Variants in XIRP2 observed in about 807,000 individuals in gnomAD.
XIRP2 encodes the protein xin actin-binding repeat-containing protein 2.
Under a neutral mutation model 277.0 loss-of-function variants are expected in XIRP2, and 236 were observed. The ratio of observed to expected loss-of-function variants is 0.85; its 90% confidence interval spans 0.77 to 0.95. The LOEUF (loss-of-function observed/expected upper bound fraction) is 0.95. Ranked by LOEUF, XIRP2 falls within the 40% of genes least tolerant of loss-of-function variation. The pLI is 0.00. For synonymous variants in XIRP2, 1,490 were observed against 1,416.5 expected, an observed-to-expected ratio of 1.05 and a Z score of -1.17; for missense variants, 4,640 against 4,157.5, an observed-to-expected ratio of 1.12 and a Z score of -3.19.
intron 2 of XIRP2, among the ~76,000 whole-genome samples, chr2:166,935,765 G>T (rs893619147): frequency 3.3e-5 from 5 of 152,186 alleles, no homozygotes; most frequent in Non-Finnish European, 5.9e-5. Flanking sequence ...TGGCTGCATA[G>T]TATTCCATGG....
chr2:167,040,550 G>A (rs1449145804), intron 2 of XIRP2, among the ~76,000 whole-genome samples: 4 of 152,260 alleles, frequency 2.6e-5, no homozygotes, highest in South Asian at 4.1e-4. Context: ...CAGAAATCCA[G>A]CCTGCAAAGA....
chr2:167,096,885 T>C (rs1690333492), intron 2 of XIRP2, among the ~76,000 whole-genome samples: 1 of 152,194 alleles, frequency 6.6e-6, no homozygotes, highest in Admixed American at 6.5e-5. Flanking sequence ...TGAGTTCTCA[T>C]TTGATTGCAC....
At chr2:167,020,392 T>G (rs890202125) in intron 2 of XIRP2, among the ~76,000 whole-genome samples, 6 of 152,000 alleles carry the variant, frequency 3.9e-5, no homozygotes, top group Non-Finnish European at 7.4e-5. Flanking sequence ...AAGTCCATAT[T>G]CTTCCACCAT....
Position 166,996,003 on chromosome 2 carries a change from C to T in XIRP2, c.408+92113C>T, listed in dbSNP as rs149112126. Among the ~76,000 whole-genome samples, 21 of 152,166 alleles carry T rather than the reference C, an allele frequency of 1.4e-4. No individual in the cohort carries two copies. In the East Asian group the frequency reaches 3.3e-3, roughly 24 times the overall value. Reference sequence around the variant, plus strand: ...GCTCCTCTCCTCTTTTTCTTCTGCCCCTCCATTTATATGAGTCTTGAATAG... The same window carrying T: ...GCTCCTCTCCTCTTTTTCTTCTGCCTCTCCATTTATATGAGTCTTGAATAG... On this transcript the variant is annotated intron_variant, in intron 2 of 10. Coordinates refer to ENST00000409195, the MANE Select transcript of XIRP2 (RefSeq NM_152381.6).
intron 3 of XIRP2, among the ~76,000 whole-genome samples, chr2:167,156,847 G>A (rs2105336781): frequency 6.6e-6 from 1 of 152,188 alleles, no homozygotes; most frequent in South Asian, 2.1e-4. Context: ...AATATGAATG[G>A]CTTTTTAGTC....
At chr2:166,907,857 A>G (rs948260698) in intron 2 of XIRP2, among the ~76,000 whole-genome samples, 1 of 146,516 alleles carries the variant, frequency 6.8e-6, no homozygotes, top group Non-Finnish European at 1.5e-5. Flanking sequence ...GAGTGAGAAC[A>G]TGCAGTGTTT....
chr2:166,953,493 A>G (rs1047492871), intron 2 of XIRP2, among the ~76,000 whole-genome samples: 2 of 151,992 alleles, frequency 1.3e-5, no homozygotes, highest in Non-Finnish European at 2.9e-5. Context: ...CATAAGCAGC[A>G]TGAGAACAGA....
chr2:167,251,543 C>G lies in XIRP2; in HGVS notation c.10151C>G (p.Thr3384Arg), dbSNP rs374260845. 31 of 1,613,344 alleles carry G rather than the reference C, an allele frequency of 1.9e-5. No individual in the cohort carries two copies. In the East Asian group the frequency reaches 3.8e-4, roughly 20 times the overall value. The change falls in exon 9 of 11, where the codon ACG (threonine) becomes AGG (arginine). Residue 3384 changes from threonine (T) to arginine (R), a missense_variant. Coordinates refer to ENST00000409195, the MANE Select transcript of XIRP2 (RefSeq NM_152381.6). Reference protein sequence around the residue: ...EEFGLTSLGNTSFTDFSCKHP... With the variant: ...EEFGLTSLGNRSFTDFSCKHP... ...TTTGGATTAACATCTTTAGGAAACA[C>G]GAGTTTTACAGACTTTTCTTGCAAA...
intron 2 of XIRP2, among the ~76,000 whole-genome samples, chr2:167,117,334 C>A (rs893880402): frequency 6.6e-6 from 1 of 152,188 alleles, no homozygotes; most frequent in African/African-American, 2.4e-5. Context: ...AGTGCACACA[C>A]ACACAATGTA....
At chr2:166,962,310 C>T (rs1369677068) in intron 2 of XIRP2, among the ~76,000 whole-genome samples, 2 of 151,636 alleles carry the variant, frequency 1.3e-5, no homozygotes, top group Non-Finnish European at 3.0e-5. Context: ...AAAACTCCAT[C>T]TAAGTCTAGG....
intron 2 of XIRP2, among the ~76,000 whole-genome samples, chr2:167,092,193 C>A (rs1690167100): frequency 6.6e-6 from 1 of 152,004 alleles, no homozygotes; most frequent in South Asian, 2.1e-4. Context: ...TTGTCATAGC[C>A]CATTCTATAT....
intron 1 of XIRP2, among the ~76,000 whole-genome samples, chr2:166,896,932 G>A (rs1684259455): frequency 6.6e-6 from 1 of 152,128 alleles, no homozygotes; most frequent in African/African-American, 2.4e-5. Context: ...ACTGCCTGCA[G>A]CATTCAGTAC....
chr2:167,066,946 C>A (rs948387812), intron 2 of XIRP2, among the ~76,000 whole-genome samples: 1 of 152,018 alleles, frequency 6.6e-6, no homozygotes, highest in Non-Finnish European at 1.5e-5. Context: ...GATAACACAT[C>A]TTTTTTCCTT....
At chr2:167,093,221 A>G (rs1690199725) in intron 2 of XIRP2, among the ~76,000 whole-genome samples, 1 of 151,734 alleles carries the variant, frequency 6.6e-6, no homozygotes, top group Admixed American at 6.6e-5. Flanking sequence ...AGTAGATATT[A>G]AGAATATTAA....
In XIRP2 at chr2:167,123,021, C is replaced by A. The variant is rs1268248644; in HGVS notation, c.409-12888C>A. Among the ~76,000 whole-genome samples, 5 of 152,194 alleles carry A rather than the reference C, an allele frequency of 3.3e-5. No homozygotes were observed. The East Asian group carries it at 9.7e-4, about 29-fold the overall frequency. ...ATCTGTCAGATGTTAATAAAATTGA[C>A]TGGAATGCAGGCAGAATTGTGGTAG... On this transcript the variant is annotated intron_variant, in intron 2 of 10. Coordinates refer to ENST00000409195, the MANE Select transcript of XIRP2 (RefSeq NM_152381.6).
chr2:166,898,920 C>A lies in XIRP2; in HGVS notation c.-18-4545C>A, dbSNP rs117755415. On this transcript the variant is annotated intron_variant, in intron 1 of 10. Coordinates refer to ENST00000409195, the MANE Select transcript of XIRP2 (RefSeq NM_152381.6). ...TGGCTTTTTTCACTTAGAATAGCAC[C>A]CTTACATGGATAGCTGAATAATGTT... is the stretch of plus-strand genomic sequence containing the variant. Among the ~76,000 whole-genome samples the A allele has an allele frequency of 1.5e-3, 235 of 152,126 alleles. 10 individuals carry two copies. The East Asian group carries it at 0.041, about 27-fold the overall frequency.
At chr2:167,168,443 T>G (rs1177874400) in intron 3 of XIRP2, among the ~76,000 whole-genome samples, 2 of 152,224 alleles carry the variant, frequency 1.3e-5, no homozygotes, top group Non-Finnish European at 2.9e-5. Flanking sequence ...TGTTTTGTTT[T>G]GTTTGTTTTT....
chr2:167,088,921 G>A (rs1403144843), intron 2 of XIRP2, among the ~76,000 whole-genome samples: 1 of 152,072 alleles, frequency 6.6e-6, no homozygotes. Context: ...TTCATTCTCT[G>A]TCTTCCCTAC....
intron 2 of XIRP2, among the ~76,000 whole-genome samples, chr2:167,044,489 C>G (rs1688740161): frequency 6.6e-6 from 1 of 152,056 alleles, no homozygotes; most frequent in Admixed American, 6.6e-5. Flanking sequence ...AACTGTCTCT[C>G]ATCACAGATG....
Sources: allele counts gnomAD v4.1 joint callset (sites outside exome capture counted in the v4.1 genomes callset), GRCh38; gene constraint gnomAD v4.1.1; transcripts MANE v1.5; gene names NCBI Gene and HGNC (gene_info 2026-07-23, HGNC 2026-07-21).